Variants in THAP4 observed in about 807,000 individuals in gnomAD.
THAP4 encodes the protein THAP domain containing 4.
THAP4 carries 18 observed loss-of-function variants against 48.1 expected under a neutral mutation model. The ratio of observed to expected loss-of-function variants is 0.37; its 90% CI spans 0.26 to 0.56. THAP4 has a LOEUF of 0.56. THAP4 is among the 20% of genes least tolerant of loss of function. THAP4 has a pLI of 0.78. For synonymous variants in THAP4, 345 were observed against 324.9 expected (o/e 1.06, Z -0.66); for missense variants, 656 against 774.9 (o/e 0.85, Z 1.82).
chr2:241,624,481 T>C (rs2067472230), intron 2 of THAP4, among the ~76,000 whole-genome samples: 1 of 149,686 alleles, frequency 6.7e-6, no homozygotes, highest in Non-Finnish European at 1.5e-5. Flanking sequence ...GTGAGACTCT[T>C]TCTCAAAAAA....
intron 2 of THAP4, among the ~76,000 whole-genome samples, chr2:241,623,280 G>A (rs1013398121): frequency 2.0e-5 from 3 of 149,306 alleles, no homozygotes; most frequent in African/African-American, 7.4e-5. Context: ...TAAAAACATA[G>A]ATTAAAAGTA....
At chr2:241,588,984 G>A (rs1180493212) in intron 5 of THAP4, among the ~76,000 whole-genome samples, 3 of 152,274 alleles carry the variant, frequency 2.0e-5, no homozygotes, top group Admixed American at 6.5e-5. Context: ...GGAGACCAAC[G>A]AGGGTGGATC....
intron 2 of THAP4, among the ~76,000 whole-genome samples, chr2:241,615,765 C>T (rs1468907085): frequency 6.6e-6 from 1 of 152,254 alleles, no homozygotes; most frequent in Non-Finnish European, 1.5e-5. Flanking sequence ...CTCTCCTCTT[C>T]ACTCCTCTCT....
In THAP4 at chr2:241,637,103, G is replaced by A. The variant is rs1352591963; in HGVS notation, c.-86C>T. ...ACCGCCCCGAGGGAGGGAGCGCGGCGGCGACACGGCTCGGGACGTGGGCCG... is the reference window on the plus strand; with the variant it reads ...ACCGCCCCGAGGGAGGGAGCGCGGCAGCGACACGGCTCGGGACGTGGGCCG... On this transcript the variant is annotated 5_prime_UTR_variant, in exon 1 of 6. Transcript: ENST00000407315. 9.8e-7 allele frequency: 1 copy of A among 1,019,716 alleles called. No individual in the cohort carries two copies. The highest frequency in any genetic ancestry group is 4.1e-5 in the South Asian group (1 of 24,396). 63.2% of individuals were successfully genotyped at this position (1,019,716 alleles called of 1,614,324 possible). A position where few individuals can be genotyped will look rare whatever the true frequency, so the allele number is the denominator to read the frequency against.
intron 3 of THAP4, 77 bp from the exon 4 acceptor site, chr2:241,603,156 T>G (rs1281798311): frequency 8.4e-7 from 1 of 1,191,536 alleles, no homozygotes; most frequent in Non-Finnish European, 1.2e-6. Flanking sequence ...GCCAGAACTG[T>G]CCAGGGTGCC....
At position 241,612,978 on chromosome 2, in the gene THAP4, G is replaced by C. The variant is rs1300376139; in HGVS notation, c.1241-6505C>G. Among the ~76,000 whole-genome samples the C allele has an allele frequency of 6.6e-6, 1 of 152,204 alleles. No homozygotes were observed. Among genetic ancestry groups the C allele is most frequent in the Non-Finnish European group, 1.5e-5 (1 of 68,048 alleles). ...CAATAATCTTATAGTATGGGTGGTTGCCTGTTGAAATAATTTTTAGATAAT... is the reference window on the plus strand; with the variant it reads ...CAATAATCTTATAGTATGGGTGGTTCCCTGTTGAAATAATTTTTAGATAAT... On this transcript the variant is annotated intron_variant, in intron 2 of 5. Transcript: ENST00000407315. This position sits in a 1 kb window ranked among gnomAD's most constrained non-coding sequence, Gnocchi z 4.1.
At chr2:241,632,624 T>G (rs1180373409) in intron 2 of THAP4, among the ~76,000 whole-genome samples, 2 of 152,356 alleles carry the variant, frequency 1.3e-5, no homozygotes, top group Non-Finnish European at 1.5e-5. Context: ...TATCTTTCCC[T>G]GTGCACTCTC....
chr2:241,604,718 CTTAT>C (rs779901864), intron 3 of THAP4, among the ~76,000 whole-genome samples: 5 of 150,858 alleles, frequency 3.3e-5, no homozygotes, highest in South Asian at 2.1e-4. Flanking sequence ...CCAAGATAAA[CTTAT>C]TTATTTATTA....
chr2:241,590,262 T>G (rs62192974), intron 5 of THAP4, among the ~76,000 whole-genome samples: 1 of 136,432 alleles, frequency 7.3e-6, no homozygotes, highest in South Asian at 2.5e-4. Context: ...GCTCGGCTGA[T>G]GATAATGGGC....
At chr2:241,596,276 G>A (rs953390995) in intron 5 of THAP4, among the ~76,000 whole-genome samples, 3 of 152,096 alleles carry the variant, frequency 2.0e-5, no homozygotes, top group African/African-American at 7.2e-5. Flanking sequence ...GGAGGCTGAG[G>A]AGGGTGGATC....
At chr2:241,634,252 A>G (rs760270420) in intron 1 of THAP4, among the ~76,000 whole-genome samples, 173 bp from the exon 2 acceptor site, 1 of 152,240 alleles carries the variant, frequency 6.6e-6, no homozygotes, top group Non-Finnish European at 1.5e-5. Context: ...TGCAGTTATT[A>G]CTGGAGTAGA....
intron 5 of THAP4, among the ~76,000 whole-genome samples, chr2:241,595,628 ACT>A (rs760013641): frequency 1.3e-5 from 2 of 151,338 alleles, no homozygotes; most frequent in Non-Finnish European, 3.0e-5. Context: ...CAAGAGCGAA[ACT>A]CTGTCTCAAA....
At chr2:241,599,081 A>G (rs4675924) in intron 5 of THAP4, among the ~76,000 whole-genome samples, 53,810 of 151,780 alleles carry the variant, frequency 0.35, 10,088 homozygotes, top group East Asian at 0.6. Flanking sequence ...GTGAAACCCC[A>G]TCTGTACTAA....
Position 241,584,419 on chromosome 2 carries a change from C to A in THAP4, c.*187G>T. The A allele has an allele frequency of 1.7e-6, 1 of 599,978 alleles. No homozygotes were observed. Among genetic ancestry groups the A allele is most frequent in the Non-Finnish European group, 2.9e-6 (1 of 341,548 alleles). 37.2% of individuals were successfully genotyped at this position (599,978 alleles called of 1,614,324 possible). On this transcript the variant is annotated 3_prime_UTR_variant, in exon 6 of 6. Coordinates refer to ENST00000407315, the MANE Select transcript of THAP4 (RefSeq NM_015963.6). The stretch of plus-strand genomic sequence containing the variant: ...TACGCAAGTGATAATATTCAAAATC[C>A]TCAGCCATAAAAATAAAGGCCTTTT...
Position 241,595,649 on chromosome 2 carries a change from AG to A in THAP4, c.1614+6246del, listed in dbSNP as rs202173479. Among the ~76,000 whole-genome samples the A allele has an allele frequency of 5.5e-4, 83 of 150,242 alleles. 1 individual carries two copies. Among genetic ancestry groups the A allele is most frequent in the African/African-American group, 1.0e-3 (42 of 40,820 alleles). ...CGAAACTCTGTCTCAAAAAAAAAAAAGAAGAAGAAATACATGAGACATGCTG... is the reference window on the plus strand; with the variant it reads ...CGAAACTCTGTCTCAAAAAAAAAAAAAAGAAGAAATACATGAGACATGCTG... On this transcript the variant is annotated intron_variant, in intron 5 of 5. Transcript: ENST00000407315.
chr2:241,623,912 T>G (rs2067464909), intron 2 of THAP4, among the ~76,000 whole-genome samples: 1 of 152,182 alleles, frequency 6.6e-6, no homozygotes, highest in East Asian at 1.9e-4. Flanking sequence ...CACTGACCAA[T>G]TCTCTGATAC....
upstream of THAP4, chr2:241,637,447 A>G (rs551680689): frequency 1.5e-4 from 228 of 1,471,540 alleles, 1 homozygote; most frequent in African/African-American, 2.7e-3. Flanking sequence ...AGGAAGCGCC[A>G]CCCATGGCAC....
intron 5 of THAP4, among the ~76,000 whole-genome samples, chr2:241,599,983 C>A (rs967379520): frequency 6.6e-6 from 1 of 151,540 alleles, no homozygotes; most frequent in African/African-American, 2.4e-5. Flanking sequence ...CTGAGGCAGG[C>A]GGATCACTTG....
chr2:241,629,994 A>G (rs928790027), intron 2 of THAP4, among the ~76,000 whole-genome samples: 2 of 152,164 alleles, frequency 1.3e-5, no homozygotes, highest in African/African-American at 4.8e-5. Context: ...CTACACTGCA[A>G]CAGTCACAAA....
Sources: gnomAD v4.1 joint callset for allele counts (sites outside exome capture counted in the v4.1 genomes callset) on GRCh38, gnomAD v4.1.1 for gene constraint, Gnocchi (gnomAD v3.1) non-coding constraint, MANE v1.5 for transcripts, NCBI Gene and HGNC (gene_info 2026-07-23, HGNC 2026-07-21) for gene names.